IZUMO2: variants seen among roughly 807,000 people sequenced by gnomAD.
IZUMO2 encodes the protein IZUMO family member 2, also known as izumo sperm-egg fusion protein 2.
Under a neutral mutation model 31.2 loss-of-function variants are expected in IZUMO2, and 24 were observed. The ratio of observed to expected loss-of-function variants is 0.77; its 90% CI spans 0.56 to 1.08. IZUMO2 has a LOEUF of 1.08. Among genes scored for constraint, IZUMO2 ranks in the 50% least tolerant of loss-of-function variants. IZUMO2 has a pLI of 0.00. For synonymous variants in IZUMO2, 144 were observed against 117.3 expected, an observed-to-expected ratio of 1.23 and a Z score of -1.47; for missense variants, 278 against 274.0, an observed-to-expected ratio of 1.01 and a Z score of -0.10.
chr19:50,158,312 C>G lies in IZUMO2; in HGVS notation c.452G>C (p.Cys151Ser). Residue 151 changes from cysteine to serine, a missense_variant, in exon 5 of 7, where the codon TGC (cysteine) becomes TCC (serine). Coordinates refer to ENST00000293405, the MANE Select transcript of IZUMO2 (RefSeq NM_152358.3). ...LKEEVLDCLH[C>S]QRITPKCIHK... ...GATACACTTGGGAGTGATCCTCTGG[C>G]AATGTAAACAGTCCAACACCTCTTC... The G allele has an allele frequency of 6.2e-7, 1 of 1,612,194 alleles. No homozygotes were observed. The highest frequency in any genetic ancestry group is 8.5e-7 in the Non-Finnish European group (1 of 1,179,010).
Position 50,154,628 on chromosome 19 carries a change from C to G in IZUMO2, c.595G>C (p.Val199Leu). The G allele has an allele frequency of 6.2e-7, 1 of 1,614,050 alleles. No homozygotes were observed. The highest frequency in any genetic ancestry group is 8.5e-7 in the Non-Finnish European group (1 of 1,179,990). ...LGILISVSLAVFVFVVIVVSA... is the reference protein window; with the variant it reads ...LGILISVSLALFVFVVIVVSA... ...ACCACGATGACCACGAAGACAAAGA[C>G]AGCCAGAGACACAGAAATGAGGATG... The change falls in exon 6 of 7, where the codon GTC (valine) becomes CTC (leucine). Residue 199 changes from valine (V) to leucine (L), a missense_variant. Val to Leu is a conservative substitution (Grantham distance 32). Coordinates refer to ENST00000293405, the MANE Select transcript of IZUMO2 (RefSeq NM_152358.3).
chr19:50,162,245 T>C (rs904473635), intron 2 of IZUMO2, among the ~76,000 whole-genome samples: 4 of 152,072 alleles, frequency 2.6e-5, no homozygotes, highest in African/African-American at 7.2e-5. Context: ...ATTGTGGCAC[T>C]GCACTCGAGC....
intron 2 of IZUMO2, chr19:50,159,859 T>C (rs887042387): frequency 1.4e-4 from 39 of 271,988 alleles, no homozygotes; most frequent in Non-Finnish European, 2.1e-4. Context: ...CTTTTTTTTT[T>C]CTTTTTGAGA....
intron 1 of IZUMO2, 59 bp from the exon 2 acceptor site, chr19:50,162,872 C>T: frequency 6.2e-7 from 1 of 1,602,388 alleles, no homozygotes; most frequent in East Asian, 2.2e-5. Context: ...AGTGACCTCA[C>T]CCCCTCCAGG....
At position 50,162,738 on chromosome 19, in the gene IZUMO2, C is replaced by T. The variant is rs1294314144; in HGVS notation, c.307+1G>A. The T allele has an allele frequency of 6.2e-7, 1 of 1,613,110 alleles. No individual in the cohort carries two copies. Among genetic ancestry groups the T allele is most frequent in the Non-Finnish European group, 8.5e-7 (1 of 1,179,222 alleles). ...AGAAGGCGTTCCCTCGTCTCTCCTA[C>T]CTTTCAGAGAGTTACCCATTAAGTG... On this transcript the variant is annotated splice_donor_variant, in intron 2 of 6. Transcript: ENST00000293405. LOFTEE classifies it high-confidence loss of function.
intron 6 of IZUMO2, among the ~76,000 whole-genome samples, chr19:50,153,252 G>A (rs1262616555): frequency 6.6e-6 from 1 of 152,164 alleles, no homozygotes; most frequent in African/African-American, 2.4e-5. Context: ...CACAGGCATG[G>A]GGTGGATTCA....
intron 2 of IZUMO2, among the ~76,000 whole-genome samples, chr19:50,160,977 C>G (rs1163612315): frequency 6.6e-6 from 1 of 152,104 alleles, no homozygotes; most frequent in African/African-American, 2.4e-5. Flanking sequence ...ATCTCAAACC[C>G]ACTAAGTCCA....
chr19:50,157,910 T>TCAAAAAAAAAA (rs1262838532), intron 5 of IZUMO2, among the ~76,000 whole-genome samples: 1 of 110,824 alleles, frequency 9.0e-6, no homozygotes, highest in African/African-American at 3.1e-5. Flanking sequence ...AGAATCCATA[T>TCAAAAAAAAAA]AAAAAAAAAA....
intron 5 of IZUMO2, among the ~76,000 whole-genome samples, chr19:50,156,141 C>A (rs1389491549): frequency 6.6e-6 from 1 of 152,156 alleles, no homozygotes; most frequent in Non-Finnish European, 1.5e-5. Context: ...TGGATCAAGC[C>A]TGTTTATTTG....
At position 50,162,959 on chromosome 19, in the gene IZUMO2, G is replaced by A. The variant is rs780266543; in HGVS notation, c.232+4C>T. The stretch of plus-strand genomic sequence containing the variant: ...CCCGCTGCCCAATTTCTCCCAACAC[G>A]CACCCACTTTCCCCACAAACACGTT... On this transcript the variant is annotated splice_donor_region_variant and intron_variant, in intron 1 of 6. Coordinates refer to ENST00000293405, the MANE Select transcript of IZUMO2 (RefSeq NM_152358.3). The A allele has an allele frequency of 6.2e-7, 1 of 1,613,138 alleles. No individual in the cohort carries two copies. Among genetic ancestry groups the A allele is most frequent in the Non-Finnish European group, 8.5e-7 (1 of 1,179,508 alleles).
At chr19:50,158,673 T>C (rs2030294993) in intron 4 of IZUMO2, among the ~76,000 whole-genome samples, 1 of 152,194 alleles carries the variant, frequency 6.6e-6, no homozygotes, top group South Asian at 2.1e-4. Context: ...AGATGTCTCC[T>C]CTTTGGGCAC....
intron 2 of IZUMO2, 69 bp downstream of exon 2, chr19:50,162,669 TC>T: frequency 7.8e-7 from 1 of 1,285,782 alleles, no homozygotes; most frequent in Non-Finnish European, 1.1e-6. Context: ...ATTTTTATAT[TC>T]AAGGGAGGTG....
intron 5 of IZUMO2, among the ~76,000 whole-genome samples, chr19:50,156,101 T>C (rs1457652058): frequency 1.3e-5 from 2 of 152,166 alleles, no homozygotes; most frequent in Non-Finnish European, 2.9e-5. Flanking sequence ...TACCAAACCA[T>C]TCTATTTTCA....
intron 5 of IZUMO2, among the ~76,000 whole-genome samples, chr19:50,157,426 C>T (rs62112593): frequency 0.21 from 31,246 of 150,790 alleles, 3,876 homozygotes; most frequent in Non-Finnish European, 0.28. Context: ...CCCCAGCCTC[C>T]TGAGTAGCTG....
Position 50,158,794 on chromosome 19 carries a change from ATG to A in IZUMO2, c.415+434_415+435del, listed in dbSNP as rs147401244. On this transcript the variant is annotated intron_variant, in intron 4 of 6. Transcript: ENST00000293405. ...TGGCCAATGGAAAGTGAGCAGGATCATGTGTGTCCCTTCCAGGCTTGGCTATA... is the reference window on the plus strand; with the variant it reads ...TGGCCAATGGAAAGTGAGCAGGATCATGTGTCCCTTCCAGGCTTGGCTATA... 3.6e-3 allele frequency among the ~76,000 whole-genome samples: 546 copies of A among 152,234 alleles called. 4 individuals carry two copies. Among genetic ancestry groups the A allele is most frequent in the African/African-American group, 0.013 (529 of 41,536 alleles).
intron 4 of IZUMO2, 74 bp downstream of exon 4, chr19:50,159,156 G>A: frequency 1.4e-6 from 2 of 1,470,592 alleles, no homozygotes; most frequent in East Asian, 2.3e-5. Context: ...GTGGTAGCCA[G>A]GCTTGATTTG....
chr19:50,162,255 C>T (rs1234565313), intron 2 of IZUMO2, among the ~76,000 whole-genome samples: 2 of 151,894 alleles, frequency 1.3e-5, no homozygotes, highest in Non-Finnish European at 2.9e-5. Context: ...TGCACTCGAG[C>T]CTGGGTGACA....
chr19:50,160,406 A>G (rs2030357436), intron 2 of IZUMO2: 2 of 152,048 alleles, frequency 1.3e-5, no homozygotes, highest in Non-Finnish European at 1.5e-5. Context: ...TATTTTATAT[A>G]TTGGGTTAAC....
intron 4 of IZUMO2, among the ~76,000 whole-genome samples, chr19:50,158,908 C>T (rs1249919731): frequency 6.6e-6 from 1 of 152,116 alleles, no homozygotes; most frequent in African/African-American, 2.4e-5. Context: ...TGAGTCACCA[C>T]CTGGACTGCC....
Sources: gnomAD v4.1 joint callset for allele counts (sites outside exome capture counted in the v4.1 genomes callset) on GRCh38, gnomAD v4.1.1 for gene constraint, MANE v1.5 for transcripts, NCBI Gene and HGNC (gene_info 2026-07-23, HGNC 2026-07-21) for gene names.